OSTN: variants seen among roughly 807,000 people sequenced by gnomAD.
The protein encoded by OSTN is osteocrin.
OSTN carries 9 observed loss-of-function variants against 12.0 expected under a neutral mutation model. The ratio of observed to expected loss-of-function variants is 0.75; its 90% CI spans 0.45 to 1.30. The LOEUF (loss-of-function observed/expected upper bound fraction) is 1.30. Among genes scored for constraint, OSTN ranks in the 50% most tolerant of loss-of-function variants. The probability of loss-of-function intolerance (pLI) is 0.00; values close to 1 mark genes in which losing one functional copy is unlikely to be tolerated. For missense variants in OSTN, 148 were observed against 152.3 expected (o/e 0.97, Z 0.15); for synonymous variants, 59 against 56.9 (o/e 1.04, Z -0.16).
intron 3 of OSTN, among the ~76,000 whole-genome samples, chr3:191,235,242 A>C (rs1715161152): frequency 6.6e-6 from 1 of 152,178 alleles, no homozygotes; most frequent in Non-Finnish European, 1.5e-5. Context: ...CTTGTACTAG[A>C]AAAATAACCA....
chr3:191,223,369 G>A (rs1339716338), intron 3 of OSTN, among the ~76,000 whole-genome samples: 1 of 152,196 alleles, frequency 6.6e-6, no homozygotes, highest in Non-Finnish European at 1.5e-5. Flanking sequence ...TGGCTGGGGA[G>A]ATATCACCAT....
At chr3:191,261,395 A>G (rs9917773) in intron 4 of OSTN, among the ~76,000 whole-genome samples, 69,404 of 151,710 alleles carry the variant, frequency 0.46, 16,847 homozygotes, top group Non-Finnish European at 0.54. Flanking sequence ...GGTTTTAGTG[A>G]CAAGAGAGGT....
At chr3:191,261,032 A>G (rs569868303) in intron 4 of OSTN, among the ~76,000 whole-genome samples, 3 of 152,144 alleles carry the variant, frequency 2.0e-5, no homozygotes, top group Non-Finnish European at 4.4e-5. Context: ...AGAGAGAGAG[A>G]TAGAGGCCAG....
chr3:191,243,479 T>A (rs1051320636), intron 3 of OSTN, among the ~76,000 whole-genome samples: 13 of 152,152 alleles, frequency 8.5e-5, no homozygotes, highest in African/African-American at 3.1e-4. Flanking sequence ...CAGCTCCACA[T>A]GTCATCTTGG....
Position 191,200,728 on chromosome 3 carries a change from CTA to C in OSTN, c.-1+1425_-1+1426del, listed in dbSNP as rs1714134525. Reference sequence around the variant, plus strand: ...AAGCCCCCATGTCAGTCAATTTTCCCTATATTAGAGAATAAAACCTCAGTATC... The same window carrying C: ...AAGCCCCCATGTCAGTCAATTTTCCCTATTAGAGAATAAAACCTCAGTATC... On this transcript the variant is annotated intron_variant, in intron 1 of 4. Transcript: ENST00000682035. Among the ~76,000 whole-genome samples the C allele has an allele frequency of 2.6e-5, 4 of 152,100 alleles. No homozygotes were observed. In the South Asian group the frequency reaches 8.3e-4, roughly 32 times the overall value.
At chr3:191,215,789 G>A (rs1271425775) in intron 2 of OSTN, among the ~76,000 whole-genome samples, 1 of 152,146 alleles carries the variant, frequency 6.6e-6, no homozygotes, top group Non-Finnish European at 1.5e-5. Context: ...GCTTTGCAGG[G>A]TACAGCCCCA....
At chr3:191,208,451 T>C (rs1012803683) in intron 1 of OSTN, among the ~76,000 whole-genome samples, 8 of 152,228 alleles carry the variant, frequency 5.3e-5, no homozygotes, top group African/African-American at 1.9e-4. Context: ...TTTAGGAACT[T>C]GGCCTTTTGG....
intron 3 of OSTN, among the ~76,000 whole-genome samples, chr3:191,232,773 C>A (rs1358638097): frequency 6.6e-6 from 1 of 151,882 alleles, no homozygotes; most frequent in African/African-American, 2.4e-5. Flanking sequence ...TGCCACCACA[C>A]CTGGCTAATT....
In OSTN at chr3:191,203,775, G is replaced by T. The variant is rs1454810802; in HGVS notation, c.-1+4468G>T. Among the ~76,000 whole-genome samples the T allele has an allele frequency of 2.0e-5, 3 of 152,330 alleles. No individual in the cohort carries two copies. In the South Asian group the frequency reaches 6.2e-4, roughly 32 times the overall value. ...AGCATGAAACTGGGAGTCTGAAAAT[G>T]AAAGTTGTTGTTCTGGCTCTTCTTC... is the stretch of plus-strand genomic sequence containing the variant. On this transcript the variant is annotated intron_variant, in intron 1 of 4. Coordinates refer to ENST00000682035, the MANE Select transcript of OSTN (RefSeq NM_198184.2).
intron 1 of OSTN, among the ~76,000 whole-genome samples, chr3:191,210,404 A>C (rs1332544190): frequency 6.6e-6 from 1 of 152,236 alleles, no homozygotes; most frequent in Non-Finnish European, 1.5e-5. Context: ...AATGTCAAAA[A>C]AAATCCTGGG....
chr3:191,247,728 A>AG (rs1453033610), intron 3 of OSTN, among the ~76,000 whole-genome samples: 3 of 152,246 alleles, frequency 2.0e-5, no homozygotes, highest in African/African-American at 7.2e-5. Flanking sequence ...AGTAAATATT[A>AG]GTTGTCCTTA....
chr3:191,201,443 C>T (rs145628259), intron 1 of OSTN, among the ~76,000 whole-genome samples: 5 of 152,142 alleles, frequency 3.3e-5, no homozygotes, highest in South Asian at 2.1e-4. Flanking sequence ...GTACCTAAGG[C>T]TATAAATATG....
intron 3 of OSTN, among the ~76,000 whole-genome samples, chr3:191,232,331 T>TAAAA (rs61313474): frequency 8.9e-5 from 6 of 67,480 alleles, no homozygotes; most frequent in East Asian, 1.1e-3. Context: ...AGACTCTGTC[T>TAAAA]AAAAAAAAAA....
intron 3 of OSTN, among the ~76,000 whole-genome samples, chr3:191,239,263 G>A (rs1440578294): frequency 6.6e-6 from 1 of 152,130 alleles, no homozygotes; most frequent in African/African-American, 2.4e-5. Context: ...AATTTTGAGG[G>A]GTTTTAAATA....
chr3:191,219,678 C>T (rs1424237965), intron 3 of OSTN, among the ~76,000 whole-genome samples: 1 of 152,172 alleles, frequency 6.6e-6, no homozygotes, highest in Non-Finnish European at 1.5e-5. Context: ...TCATACTGTA[C>T]ATTTCATATT....
intron 3 of OSTN, among the ~76,000 whole-genome samples, chr3:191,227,058 A>G (rs1050103252): frequency 8.5e-5 from 13 of 152,278 alleles, no homozygotes; most frequent in African/African-American, 3.1e-4. Context: ...CCATAAAACA[A>G]AGTAAAAACT....
rs1218518075 is a variant in OSTN at position 191,202,992 on chromosome 3, G to T, written c.-1+3685G>T. 2.2e-4 allele frequency among the ~76,000 whole-genome samples: 34 copies of T among 152,228 alleles called. 1 individual carries two copies. On this transcript the variant is annotated intron_variant, in intron 1 of 4. Transcript: ENST00000682035. ...GAGAAATCCTAAAGTTTAGAGGAAT[G>T]ATTATTTGAGGTTAGTGATGCATGT... is the stretch of plus-strand genomic sequence containing the variant.
intron 1 of OSTN, among the ~76,000 whole-genome samples, chr3:191,209,809 A>G (rs943045989): frequency 2.6e-5 from 4 of 151,976 alleles, no homozygotes; most frequent in African/African-American, 9.7e-5. Flanking sequence ...ATGTGGGCCA[A>G]AGTTTTATTT....
intron 1 of OSTN, among the ~76,000 whole-genome samples, chr3:191,208,972 A>G (rs1158796964): frequency 2.6e-5 from 4 of 152,184 alleles, no homozygotes; most frequent in South Asian, 2.1e-4. Context: ...AGCCTGGTCA[A>G]CATAGAGAAA....
Sources: allele counts gnomAD v4.1 joint callset (sites outside exome capture counted in the v4.1 genomes callset), GRCh38; gene constraint gnomAD v4.1.1; transcripts MANE v1.5; gene names NCBI Gene and HGNC (gene_info 2026-07-23, HGNC 2026-07-21).